The following DLG2 variants were observed in gnomAD, a reference collection of about 807,000 sequenced individuals.
The protein encoded by DLG2 is disks large homolog 2.
Under a neutral mutation model 132.5 loss-of-function variants are expected in DLG2, and 45 were observed. The observed-to-expected ratio is 0.34, with a 90% CI of 0.27 to 0.44. The LOEUF is 0.44. Among genes scored for constraint, DLG2 ranks in the 20% least tolerant of loss-of-function variants. The pLI, the probability that DLG2 is intolerant of heterozygous loss-of-function variation, is 1.00. For missense variants in DLG2, 1,045 were observed against 1,196.9 expected (o/e 0.87, Z 1.87); for synonymous variants, 424 against 419.6 (o/e 1.01, Z -0.13).
rs183596292 is a variant in DLG2, at chr11:85,506,247, G to T, written c.40+92410C>A. 1.3e-3 allele frequency among the ~76,000 whole-genome samples: 200 copies of T among 151,850 alleles called. 1 individual carries two copies. Among genetic ancestry groups the T allele is most frequent in the African/African-American group, 4.6e-3 (189 of 41,450 alleles). ...CTGCTCTGATCTTAGTTATTTCTTG[G>T]CTTCTGCTAGCTTTTGAATGTGTTT... On this transcript the variant is annotated intron_variant, in intron 3 of 27. Transcript: ENST00000376104.
chr11:85,084,520 T>C (rs536442231), intron 6 of DLG2, among the ~76,000 whole-genome samples: 2 of 151,980 alleles, frequency 1.3e-5, no homozygotes, highest in East Asian at 3.9e-4. Context: ...GCTAGAAATA[T>C]AAAGTAGCAT....
intron 3 of DLG2, among the ~76,000 whole-genome samples, chr11:85,462,766 C>T (rs893550721): frequency 2.0e-5 from 3 of 151,270 alleles, no homozygotes; most frequent in East Asian, 1.9e-4. Flanking sequence ...CAAACGTGCA[C>T]GTTTTGCTCA....
intron 7 of DLG2, among the ~76,000 whole-genome samples, chr11:84,392,444 T>C (rs1464920957): frequency 1.3e-5 from 2 of 152,194 alleles, no homozygotes; most frequent in African/African-American, 2.4e-5. Flanking sequence ...CATATGCCAA[T>C]GGTCTTAGAG....
chr11:84,315,791 T>C (rs2098347871), intron 7 of DLG2, among the ~76,000 whole-genome samples: 1 of 152,170 alleles, frequency 6.6e-6, no homozygotes, highest in Admixed American at 6.5e-5. Flanking sequence ...AGACCAGTGA[T>C]AAATGACATT....
intron 3 of DLG2, among the ~76,000 whole-genome samples, chr11:85,339,624 G>C (rs1355973417): frequency 1.3e-5 from 2 of 152,142 alleles, no homozygotes; most frequent in African/African-American, 4.8e-5. Context: ...ATATATTTCT[G>C]TGCCACTTTT....
intron 7 of DLG2, among the ~76,000 whole-genome samples, chr11:84,419,356 T>C (rs941993047): frequency 6.6e-6 from 1 of 152,186 alleles, no homozygotes; most frequent in Admixed American, 6.5e-5. Context: ...TGGGAGAAAT[T>C]ACACAAACTA....
chr11:83,831,466 C>T (rs1011483452), intron 17 of DLG2, among the ~76,000 whole-genome samples: 1 of 151,856 alleles, frequency 6.6e-6, no homozygotes, highest in East Asian at 1.9e-4. Context: ...TTTCCGGACA[C>T]CTTACTAAAG....
At chr11:85,532,764 G>A (rs563909336) in intron 3 of DLG2, among the ~76,000 whole-genome samples, 1 of 152,258 alleles carries the variant, frequency 6.6e-6, no homozygotes, top group South Asian at 2.1e-4. Flanking sequence ...TCTGCCCATA[G>A]AAAAGGCTCT....
chr11:85,332,147 T>G (rs1186412428), intron 3 of DLG2, among the ~76,000 whole-genome samples: 1 of 152,256 alleles, frequency 6.6e-6, no homozygotes, highest in African/African-American at 2.4e-5. Context: ...AACTTTTTAA[T>G]AATAGCTACT....
At chr11:85,545,919 T>C (rs1417076701) in intron 3 of DLG2, among the ~76,000 whole-genome samples, 3 of 152,212 alleles carry the variant, frequency 2.0e-5, no homozygotes, top group Non-Finnish European at 2.9e-5. Context: ...CTATCTATTT[T>C]GTTGAACTTT....
chr11:84,217,460 G>A (rs1464981364), intron 8 of DLG2, among the ~76,000 whole-genome samples: 1 of 152,146 alleles, frequency 6.6e-6, no homozygotes, highest in Non-Finnish European at 1.5e-5. Context: ...CTTCCACCAT[G>A]ATTGTGAGGC....
intron 6 of DLG2, among the ~76,000 whole-genome samples, chr11:84,891,377 T>C (rs1398737919): frequency 2.0e-5 from 3 of 152,168 alleles, no homozygotes; most frequent in Non-Finnish European, 4.4e-5. Flanking sequence ...GTAATAAGGA[T>C]AAATATTAGC....
chr11:84,836,522 T>A (rs886467340), intron 6 of DLG2, among the ~76,000 whole-genome samples: 2 of 151,840 alleles, frequency 1.3e-5, no homozygotes, highest in East Asian at 1.9e-4. Flanking sequence ...TGTCTTTTTA[T>A]TGGACTACTC....
At chr11:85,461,741 T>A (rs561994951) in intron 3 of DLG2, among the ~76,000 whole-genome samples, 1 of 152,170 alleles carries the variant, frequency 6.6e-6, no homozygotes, top group Non-Finnish European at 1.5e-5. Context: ...ATCTAGCATG[T>A]AGTGAACTCC....
chr11:84,817,019 G>T (rs1165726752), intron 6 of DLG2, among the ~76,000 whole-genome samples: 1 of 151,858 alleles, frequency 6.6e-6, no homozygotes, highest in East Asian at 1.9e-4. Flanking sequence ...TACTACAGAA[G>T]AACTAGTCCT....
Position 85,371,304 on chromosome 11 carries a change from T to C in DLG2, c.41-85939A>G, listed in dbSNP as rs188442207. ...TTTCGCTTGGAATATTGCTAATCCA[T>C]GTTTTGTTTTTCAGAGTCAAGGAAA... On this transcript the variant is annotated intron_variant, in intron 3 of 27. Transcript: ENST00000376104. Among the ~76,000 whole-genome samples, 15 of 152,060 alleles carry C rather than the reference T, an allele frequency of 9.9e-5. No homozygotes were observed. The East Asian group carries it at 2.9e-3, about 29-fold the overall frequency.
chr11:85,285,436 C>A, intron 3 of DLG2, 71 bp from the exon 4 acceptor site: 2 of 1,403,336 alleles, frequency 1.4e-6, no homozygotes, highest in Non-Finnish European at 9.8e-7. Flanking sequence ...GCATATATGT[C>A]CATATATAGA....
intron 3 of DLG2, among the ~76,000 whole-genome samples, chr11:85,400,256 G>A (rs1309989272): frequency 2.0e-5 from 3 of 150,754 alleles, no homozygotes; most frequent in African/African-American, 4.9e-5. Flanking sequence ...CAGTTAGAAT[G>A]GCTATCATTA....
intron 7 of DLG2, among the ~76,000 whole-genome samples, chr11:84,502,391 T>C (rs1045930361): frequency 9.9e-6 from 1 of 100,524 alleles, no homozygotes; most frequent in Non-Finnish European, 2.0e-5. Context: ...TCTTTCTTTC[T>C]TTCTTTCTTT....
Sources: allele counts gnomAD v4.1 joint callset (sites outside exome capture counted in the v4.1 genomes callset), GRCh38; gene constraint gnomAD v4.1.1; transcripts MANE v1.5; gene names NCBI Gene and HGNC (gene_info 2026-07-23, HGNC 2026-07-21).